SLC25A40: variants seen among roughly 807,000 people sequenced by gnomAD.
SLC25A40 encodes solute carrier family 25 member 40.
SLC25A40 carries 41 observed loss-of-function variants against 46.5 expected under a neutral mutation model. The ratio of observed to expected loss-of-function variants is 0.88; its 90% CI spans 0.69 to 1.14. The LOEUF is 1.14. Among genes scored for constraint, SLC25A40 ranks in the 50% most tolerant of loss-of-function variants. The probability of loss-of-function intolerance (pLI) is 0.00; values close to 1 mark genes in which losing one functional copy is unlikely to be tolerated. For missense variants in SLC25A40, 386 were observed against 393.6 expected (o/e 0.98, Z 0.16); for synonymous variants, 126 against 127.5 (o/e 0.99, Z 0.08).
chr7:87,840,524 T>C (rs1044399940), intron 10 of SLC25A40, among the ~76,000 whole-genome samples: 2 of 151,840 alleles, frequency 1.3e-5, no homozygotes, highest in African/African-American at 2.4e-5. Context: ...TAATCATTTA[T>C]GCTAAATTAC....
intron 2 of SLC25A40, 71 bp downstream of exon 2, chr7:87,860,501 A>G (rs1317250677): frequency 3.3e-5 from 5 of 152,210 alleles, no homozygotes; most frequent in Non-Finnish European, 4.4e-5. Flanking sequence ...TCTGTCAATA[A>G]TATCAATAAT....
At chr7:87,861,411 AT>A (rs1001359426) in intron 1 of SLC25A40, among the ~76,000 whole-genome samples, 2 of 152,264 alleles carry the variant, frequency 1.3e-5, no homozygotes, top group African/African-American at 4.8e-5. Flanking sequence ...TACAGAAAGT[AT>A]TTTTTTGAGA....
chr7:87,873,566 G>C (rs1288107462), intron 1 of SLC25A40, among the ~76,000 whole-genome samples: 1 of 151,714 alleles, frequency 6.6e-6, no homozygotes, highest in African/African-American at 2.4e-5. Flanking sequence ...CTGAGTAGCT[G>C]GGGTTACAGG....
chr7:87,844,072 A>G (rs568651504), intron 8 of SLC25A40: 2 of 801,430 alleles, frequency 2.5e-6, no homozygotes, highest in Non-Finnish European at 3.0e-6. Flanking sequence ...AAAAAAAACT[A>G]TGCATCAATA....
intron 1 of SLC25A40, among the ~76,000 whole-genome samples, chr7:87,871,519 T>C (rs1838895358): frequency 6.6e-6 from 1 of 152,222 alleles, no homozygotes; most frequent in African/African-American, 2.4e-5. Context: ...ATAATAAAGA[T>C]TAGTTATTTT....
At position 87,833,878 on chromosome 7, in the gene SLC25A40, A is replaced by T. The variant is rs1031274564; in HGVS notation, c.*2371T>A. ...ATGTTGTTCCAAGAGGGAAAAATTT[A>T]AAAAACATATGCAGTTAAATAACCA... is the stretch of plus-strand genomic sequence containing the variant. On this transcript the variant is annotated 3_prime_UTR_variant, in exon 12 of 12. Coordinates refer to ENST00000341119, the MANE Select transcript of SLC25A40 (RefSeq NM_018843.4). 6.6e-6 allele frequency: 1 copy of T among 151,820 alleles called. No individual in the cohort carries two copies. The highest frequency in any genetic ancestry group is 1.9e-4 in the East Asian group (1 of 5,190). The allele number at this position is 151,820 out of a possible 1,614,324, so 9.4% of individuals were successfully genotyped here.
intron 11 of SLC25A40, 40 bp from the exon 12 acceptor site, chr7:87,836,401 TCTTAC>T (rs1838258639): frequency 6.4e-6 from 8 of 1,252,808 alleles, no homozygotes; most frequent in Middle Eastern, 2.5e-4. Context: ...AATATTTTTT[TCTTAC>T]CTTATTTTTA....
intron 1 of SLC25A40, among the ~76,000 whole-genome samples, chr7:87,873,285 T>C (rs970849954): frequency 1.3e-5 from 2 of 152,114 alleles, no homozygotes; most frequent in African/African-American, 4.8e-5. Context: ...GTCTAGATTC[T>C]AGAACAAAAA....
chr7:87,846,805 A>G (rs1004106632), intron 8 of SLC25A40, 144 bp downstream of exon 8: 5 of 531,348 alleles, frequency 9.4e-6, no homozygotes, highest in African/African-American at 1.9e-5. Context: ...AAGATCTGAG[A>G]GCCCAACAAT....
At chr7:87,851,106 A>T (rs1249252041) in intron 5 of SLC25A40, among the ~76,000 whole-genome samples, 2 of 152,244 alleles carry the variant, frequency 1.3e-5, no homozygotes, top group Non-Finnish European at 2.9e-5. Context: ...TATCCAAGAG[A>T]AATTAAAACA....
intron 4 of SLC25A40, among the ~76,000 whole-genome samples, chr7:87,855,633 C>A (rs1171986823): frequency 6.6e-6 from 1 of 152,154 alleles, no homozygotes; most frequent in Non-Finnish European, 1.5e-5. Context: ...CATCTTCCTA[C>A]AATCAATCTA....
chr7:87,850,472 T>C (rs1253277399), intron 5 of SLC25A40, among the ~76,000 whole-genome samples: 4 of 152,134 alleles, frequency 2.6e-5, no homozygotes, highest in Non-Finnish European at 5.9e-5. Flanking sequence ...AAATGGCCAA[T>C]AAGCACACGA....
chr7:87,839,971 A>G (rs1838307023), intron 10 of SLC25A40, among the ~76,000 whole-genome samples: 1 of 151,816 alleles, frequency 6.6e-6, no homozygotes, highest in African/African-American at 2.4e-5. Context: ...TCTTGGATAA[A>G]TAATGTAAAC....
intron 6 of SLC25A40, among the ~76,000 whole-genome samples, chr7:87,848,400 C>CTAAA (rs1255627419): frequency 1.3e-5 from 2 of 151,970 alleles, no homozygotes; most frequent in African/African-American, 2.4e-5. Context: ...AAGACTGTCT[C>CTAAA]TAAATAAATA....
intron 8 of SLC25A40, among the ~76,000 whole-genome samples, chr7:87,846,203 AAATT>A (rs1364846171): frequency 6.6e-6 from 1 of 152,198 alleles, no homozygotes; most frequent in African/African-American, 2.4e-5. Context: ...ATATGTGGGA[AAATT>A]AATTCTTTTA....
chr7:87,854,675 G>C (rs1838576324), intron 4 of SLC25A40, among the ~76,000 whole-genome samples: 1 of 151,886 alleles, frequency 6.6e-6, no homozygotes, highest in Admixed American at 6.6e-5. Flanking sequence ...AGCTGGGCGT[G>C]GTGGCGGGCG....
intron 1 of SLC25A40, among the ~76,000 whole-genome samples, chr7:87,869,164 T>C (rs561698118): frequency 6.6e-6 from 1 of 152,316 alleles, no homozygotes; most frequent in South Asian, 2.1e-4. Flanking sequence ...CACTGTATAT[T>C]TGTTTTCAGT....
intron 9 of SLC25A40, among the ~76,000 whole-genome samples, chr7:87,842,950 T>C (rs2130998272): frequency 6.6e-6 from 1 of 152,250 alleles, no homozygotes; most frequent in South Asian, 2.1e-4. Context: ...AGGATTAATT[T>C]GAAAGATCTT....
In SLC25A40 at chr7:87,836,742, C is replaced by A; in HGVS notation, c.892G>T (p.Gly298Ter). 6.5e-7 allele frequency: 1 copy of A among 1,538,192 alleles called. No individual in the cohort carries two copies. The highest frequency in any genetic ancestry group is 2.5e-5 in the East Asian group (1 of 40,106). ...KNIVAKNGFS[G>*]LFSGLIPRLI... ...CAAGTATTTTTACCTGAAAATAATC[C>A]GGAAAATCCATTTTTAGCAACAATG... Residue 298 changes from glycine to a stop codon, truncating the protein, a stop_gained, in exon 11 of 12, where the codon GGA becomes TGA. Transcript: ENST00000341119. LOFTEE classifies it high-confidence loss of function.
Sources: allele counts gnomAD v4.1 joint callset (sites outside exome capture counted in the v4.1 genomes callset), GRCh38; gene constraint gnomAD v4.1.1; transcripts MANE v1.5; gene names NCBI Gene and HGNC (gene_info 2026-07-23, HGNC 2026-07-21).